ALS2CL: variants seen among roughly 807,000 people sequenced by gnomAD.
The protein encoded by ALS2CL is ALS2 C-terminal-like protein.
Under a neutral mutation model 127.9 loss-of-function variants are expected in ALS2CL, and 112 were observed. That is an observed-to-expected ratio of 0.88 (90% CI 0.75 to 1.02). The LOEUF is 1.02. Ranked by LOEUF, ALS2CL falls within the 50% of genes least tolerant of loss-of-function variation. The pLI, the probability that ALS2CL is intolerant of heterozygous loss-of-function variation, is 0.00. For synonymous variants in ALS2CL, 519 were observed against 527.6 expected, an observed-to-expected ratio of 0.98 and a Z score of 0.22; for missense variants, 1,174 against 1,236.7, an observed-to-expected ratio of 0.95 and a Z score of 0.76.
chr3:46,673,282 T>A, intron 22 of ALS2CL, 57 bp downstream of exon 22: 1 of 1,426,960 alleles, frequency 7.0e-7, no homozygotes, highest in South Asian at 1.2e-5. Flanking sequence ...AAAGGGCTCC[T>A]CAAAGCCTGC....
At chr3:46,678,485 G>C in intron 15 of ALS2CL, 96 bp from the exon 16 acceptor site, 1 of 1,461,050 alleles carries the variant, frequency 6.8e-7, no homozygotes, top group Non-Finnish European at 9.2e-7. Flanking sequence ...GTGTCAGAGA[G>C]GCTAAGGACT....
intron 10 of ALS2CL, 106 bp downstream of exon 10, chr3:46,683,024 A>C: frequency 4.9e-6 from 6 of 1,225,626 alleles, no homozygotes; most frequent in Non-Finnish European, 6.6e-6. Context: ...CACAGAGAGT[A>C]ACCGCTCCTG....
chr3:46,675,727 C>T (rs1442561248), intron 19 of ALS2CL, 41 bp from the exon 20 acceptor site: 1 of 1,611,526 alleles, frequency 6.2e-7, no homozygotes, highest in Non-Finnish European at 8.5e-7. Flanking sequence ...CTGCCCCTTG[C>T]CACAGAACTG....
At chr3:46,674,081 C>G (rs1455643708) in intron 21 of ALS2CL, among the ~76,000 whole-genome samples, 1 of 152,206 alleles carries the variant, frequency 6.6e-6, no homozygotes, top group African/African-American at 2.4e-5. Flanking sequence ...TCCTCAGTCT[C>G]CCCTGAGGGA....
chr3:46,684,114 G>A, intron 7 of ALS2CL, 67 bp from the exon 8 acceptor site: 3 of 1,529,290 alleles, frequency 2.0e-6, no homozygotes, highest in Non-Finnish European at 1.8e-6. Flanking sequence ...CTCTGGCCAA[G>A]GCTTGCCCCA....
At chr3:46,691,904 G>A (rs967153026) in intron 1 of ALS2CL, among the ~76,000 whole-genome samples, 1 of 151,884 alleles carries the variant, frequency 6.6e-6, no homozygotes, top group African/African-American at 2.4e-5. Context: ...CCCTCAAAAG[G>A]ACAAACAGGT....
chr3:46,682,167 G>A, intron 10 of ALS2CL, 73 bp from the exon 11 acceptor site: 1 of 1,524,480 alleles, frequency 6.6e-7, no homozygotes. Flanking sequence ...TACTTTCTCA[G>A]ACGCCCTCCC....
intron 21 of ALS2CL, among the ~76,000 whole-genome samples, chr3:46,674,057 T>G (rs1698616305): frequency 6.6e-6 from 1 of 152,164 alleles, no homozygotes; most frequent in Non-Finnish European, 1.5e-5. Context: ...CCTCCCGACA[T>G]GCACCCAGAG....
rs751658045 is a variant in ALS2CL at position 46,681,322 on chromosome 3, G to T, written c.1360C>A (p.Pro454Thr). Reference protein sequence around the residue: ...FGVLESGPQAPQPFRYTGHWE... With the variant: ...FGVLESGPQATQPFRYTGHWE... ...TGGCCCGTGTACCTGAAGGGCTGGG[G>T]GGCCTGCGGACCACTCTCAAGGACC... The change falls in exon 13 of 26, where the codon CCC becomes ACC. Residue 454 changes from proline to threonine, a missense_variant. Physicochemically the swap from Pro to Thr is conservative, Grantham distance 38. Coordinates refer to ENST00000318962, the MANE Select transcript of ALS2CL (RefSeq NM_147129.5). This position sits in a 1 kb window ranked among gnomAD's most constrained non-coding sequence, Gnocchi z 4.9. 41 of 1,613,642 alleles carry T rather than the reference G, an allele frequency of 2.5e-5. No homozygotes were observed. Among genetic ancestry groups the T allele is most frequent in the Non-Finnish European group, 3.5e-5 (41 of 1,179,826 alleles).
At chr3:46,691,166 G>A (rs528244904) in intron 1 of ALS2CL, among the ~76,000 whole-genome samples, 1 of 152,276 alleles carries the variant, frequency 6.6e-6, no homozygotes, top group Admixed American at 6.5e-5. Context: ...AAGGGAATAG[G>A]GGTGCAGCCA....
At chr3:46,678,188 C>A (rs748775809) in intron 16 of ALS2CL, 71 bp downstream of exon 16, 1 of 1,454,614 alleles carries the variant, frequency 6.9e-7, no homozygotes, top group Non-Finnish European at 9.2e-7. Flanking sequence ...TCTGAGGAGA[C>A]CTGAGTCTTT....
intron 18 of ALS2CL, 104 bp from the exon 19 acceptor site, chr3:46,676,506 C>A: frequency 6.4e-7 from 1 of 1,558,850 alleles, no homozygotes. Context: ...TACACGAGAA[C>A]ACTGAGGTCC....
intron 19 of ALS2CL, chr3:46,675,947 G>T: frequency 7.0e-7 from 1 of 1,425,046 alleles, no homozygotes; most frequent in Non-Finnish European, 9.1e-7. Flanking sequence ...GGGACTGCAG[G>T]TGTGTTCCGA....
chr3:46,673,348 C>T lies in ALS2CL; in HGVS notation c.2463G>A (p.Thr821=), dbSNP rs372550590. The part of the protein sequence containing the change: ...HLWPLKDLTL[T]SNQRYSLVRD... Reference sequence around the variant, plus strand: ...CTGGCCTCCCTCTCACCTGATTGCTCGTCAGCGTGAGGTCCTTGAGGGGCC... The same window carrying T: ...CTGGCCTCCCTCTCACCTGATTGCTTGTCAGCGTGAGGTCCTTGAGGGGCC... Residue 821 remains threonine (T), a synonymous_variant, in exon 22 of 26, where the codon ACG becomes ACA. Transcript: ENST00000318962. The T allele has an allele frequency of 2.6e-5, 40 of 1,565,384 alleles. No individual in the cohort carries two copies. The highest frequency in any genetic ancestry group is 2.8e-5 in the Non-Finnish European group (32 of 1,154,750).
At chr3:46,684,923 C>T (rs2106733504) in intron 7 of ALS2CL, among the ~76,000 whole-genome samples, 2 of 152,330 alleles carry the variant, frequency 1.3e-5, no homozygotes, top group African/African-American at 4.8e-5. Flanking sequence ...CCAGGCCAAC[C>T]TTCTAAGGGG....
In ALS2CL at chr3:46,676,963, A is replaced by C; in HGVS notation, c.1817T>G (p.Phe606Cys). The C allele has an allele frequency of 6.2e-7, 1 of 1,613,466 alleles. No homozygotes were observed. Among genetic ancestry groups the C allele is most frequent in the Non-Finnish European group, 8.5e-7 (1 of 1,179,868 alleles). The change falls in exon 17 of 26, where the codon TTC (phenylalanine) becomes TGC (cysteine). Residue 606 changes from phenylalanine to cysteine, a missense_variant. Coordinates refer to ENST00000318962, the MANE Select transcript of ALS2CL (RefSeq NM_147129.5). Reference sequence around the variant, plus strand: ...GCAGCCAGCACACACAAAGTCCCGGAAGGGGCTGTAGACTCCCTGCCAGCG... The same window carrying C: ...GCAGCCAGCACACACAAAGTCCCGGCAGGGGCTGTAGACTCCCTGCCAGCG... ...ESRWQGVYSP[F>C]RDFVCAGCPR...
At chr3:46,690,463 A>G (rs1265016033) in intron 1 of ALS2CL, among the ~76,000 whole-genome samples, 1 of 152,122 alleles carries the variant, frequency 6.6e-6, no homozygotes, top group Non-Finnish European at 1.5e-5. Flanking sequence ...TCAGGCAGGA[A>G]TCACCTGGGA....
intron 7 of ALS2CL, 49 bp from the exon 8 acceptor site, chr3:46,684,096 CACCT>C: frequency 6.5e-7 from 1 of 1,542,906 alleles, no homozygotes; most frequent in Non-Finnish European, 8.8e-7. Context: ...GCCAGATGCT[CACCT>C]ACCCTCTGGC....
At chr3:46,682,202 C>A in intron 10 of ALS2CL, 108 bp from the exon 11 acceptor site, 1 of 1,145,172 alleles carries the variant, frequency 8.7e-7, no homozygotes, top group Non-Finnish European at 1.3e-6. Context: ...GACTGGGCTC[C>A]CTGCACCCAC....
Sources: gnomAD v4.1 joint callset for allele counts (sites outside exome capture counted in the v4.1 genomes callset) on GRCh38, gnomAD v4.1.1 for gene constraint, Gnocchi (gnomAD v3.1) non-coding constraint, MANE v1.5 for transcripts, NCBI Gene and HGNC (gene_info 2026-07-23, HGNC 2026-07-21) for gene names.